Variants in PIK3R5 observed in about 807,000 individuals in gnomAD.
PIK3R5 encodes phosphoinositide-3-kinase regulatory subunit 5, also known as phosphoinositide 3-kinase regulatory subunit 5.
Under a neutral mutation model 94.9 loss-of-function variants are expected in PIK3R5, and 32 were observed. The ratio of observed to expected loss-of-function variants is 0.34; its 90% CI spans 0.25 to 0.45. The LOEUF (loss-of-function observed/expected upper bound fraction) is 0.45. Ranked by LOEUF, PIK3R5 falls within the 20% of genes least tolerant of loss-of-function variation. PIK3R5 has a pLI of 1.00. For missense variants in PIK3R5, 853 were observed against 1,144.6 expected, an observed-to-expected ratio of 0.75 and a Z score of 3.68; for synonymous variants, 443 against 479.4, an observed-to-expected ratio of 0.92 and a Z score of 0.99.
At chr17:8,901,779 A>G (rs2090289172) in intron 5 of PIK3R5, among the ~76,000 whole-genome samples, 1 of 152,214 alleles carries the variant, frequency 6.6e-6, no homozygotes, top group Non-Finnish European at 1.5e-5. Context: ...CTACAATATC[A>G]TTTTTAATAA....
At chr17:8,914,933 A>G (rs939291252) in intron 1 of PIK3R5, among the ~76,000 whole-genome samples, 1 of 152,216 alleles carries the variant, frequency 6.6e-6, no homozygotes, top group Non-Finnish European at 1.5e-5. Context: ...GGGCAGGTTA[A>G]AGATGGGAAA....
chr17:8,880,665 T>C lies in PIK3R5; in HGVS notation c.2617A>G (p.Met873Val). 6.2e-7 allele frequency: 1 copy of C among 1,612,270 alleles called. No homozygotes were observed. Among genetic ancestry groups the C allele is most frequent in the Non-Finnish European group, 8.5e-7 (1 of 1,179,200 alleles). The change falls in exon 19 of 19, where the codon ATG (methionine) becomes GTG (valine). Residue 873 changes from methionine to valine, a missense_variant. Met to Val is a conservative substitution (Grantham distance 21). Coordinates refer to ENST00000447110, the MANE Select transcript of PIK3R5 (RefSeq NM_001142633.3). ...DLCSLLCLPI[M>V]TFSGALP ...TAGGGCAGAGCTCCACTGAAAGTCATGATGGGCAGGCAGAGAAGGGAGCAG... is the reference window on the plus strand; with the variant it reads ...TAGGGCAGAGCTCCACTGAAAGTCACGATGGGCAGGCAGAGAAGGGAGCAG...
rs376161216 is a variant in PIK3R5 at position 8,890,004 on chromosome 17, C to G, written c.780G>C (p.Val260=). 67 of 1,613,798 alleles carry G rather than the reference C, an allele frequency of 4.2e-5. No individual in the cohort carries two copies. Among genetic ancestry groups the G allele is most frequent in the Non-Finnish European group, 5.6e-5 (66 of 1,179,980 alleles). The part of the protein sequence containing the change: ...RRWLRTKLQA[V]GEKAGFPGVL... ...CCCCAGGGAAGCCAGCTTTTTCTCCCACCGCCTGCAGCTTGGTCCTGAGCC... is the reference window on the plus strand; with the variant it reads ...CCCCAGGGAAGCCAGCTTTTTCTCCGACCGCCTGCAGCTTGGTCCTGAGCC... Residue 260 remains valine (V), a synonymous_variant, in exon 8 of 19, where the codon GTG becomes GTC. Transcript: ENST00000447110. The surrounding 1 kb of genome is among the most constrained non-coding windows in gnomAD (Gnocchi z 6.1).
At position 8,935,975 on chromosome 17, in the gene PIK3R5, A is replaced by G. The variant is rs1372432300; in HGVS notation, c.-13-24468T>C. Among the ~76,000 whole-genome samples, 1 of 150,838 alleles carries G rather than the reference A, an allele frequency of 6.6e-6. No individual in the cohort carries two copies. Among genetic ancestry groups the G allele is most frequent in the African/African-American group, 2.4e-5 (1 of 40,850 alleles). On this transcript the variant is annotated intron_variant, in intron 1 of 18. Coordinates refer to ENST00000447110, the MANE Select transcript of PIK3R5 (RefSeq NM_001142633.3). This position sits in a 1 kb window ranked among gnomAD's most constrained non-coding sequence, Gnocchi z 4.5. ...AGGCTGAGGCAGGAGAATGGCGTGA[A>G]CCCGGGAGGCGGAGATTGCAGTGAG...
chr17:8,884,810 A>G lies in PIK3R5; in HGVS notation c.2129-27T>C, dbSNP rs1346881495. The G allele has an allele frequency of 6.2e-7, 1 of 1,608,398 alleles. No homozygotes were observed. The highest frequency in any genetic ancestry group is 8.5e-7 in the Non-Finnish European group (1 of 1,176,968). The stretch of plus-strand genomic sequence containing the variant: ...TGTGCCACACACAGACAGACCCTTC[A>G]CTACCCCTGGCTTCCCCGGCTCCTC... On this transcript the variant is annotated intron_variant, in intron 14 of 18. Transcript: ENST00000447110. The surrounding 1 kb of genome is among the most constrained non-coding windows in gnomAD (Gnocchi z 5.8).
intron 1 of PIK3R5, among the ~76,000 whole-genome samples, chr17:8,939,389 A>G (rs1380535339): frequency 6.6e-6 from 1 of 152,196 alleles, no homozygotes; most frequent in Non-Finnish European, 1.5e-5. Context: ...AATAAAATAC[A>G]CAGAATTGCA....
intron 14 of PIK3R5, 137 bp downstream of exon 14, chr17:8,886,092 T>G: frequency 1.7e-6 from 1 of 596,048 alleles, no homozygotes; most frequent in Non-Finnish European, 2.9e-6. Flanking sequence ...GGTAACCCCG[T>G]CTCCCCAGGG....
intron 1 of PIK3R5, among the ~76,000 whole-genome samples, chr17:8,939,492 T>C (rs1425728762): frequency 1.3e-5 from 2 of 152,172 alleles, no homozygotes; most frequent in African/African-American, 2.4e-5. Flanking sequence ...CATTAACACA[T>C]GAAATAATAA....
intron 5 of PIK3R5, among the ~76,000 whole-genome samples, chr17:8,898,319 G>A (rs2090197749): frequency 6.6e-6 from 1 of 152,250 alleles, no homozygotes; most frequent in Non-Finnish European, 1.5e-5. Context: ...GGAAGTCAAA[G>A]GGTATGAAGC....
In PIK3R5 at chr17:8,911,337, G is replaced by A. The variant is rs375267464; in HGVS notation, c.103+55C>T. The A allele has an allele frequency of 1.5e-6, 2 of 1,361,668 alleles. No homozygotes were observed. The highest frequency in any genetic ancestry group is 4.6e-5 in the East Asian group (2 of 43,694). The allele number at this position is 1,361,668 out of a possible 1,614,324, so 84.3% of individuals were successfully genotyped here. A position where few individuals can be genotyped will look rare whatever the true frequency, so the allele number is the denominator to read the frequency against. ...CCATGCCTGGTCCAGTGCCCACCGT[G>A]GCCCCTGAGGCTTCCTTGAGCCCTC... On this transcript the variant is annotated intron_variant, in intron 2 of 18. Transcript: ENST00000447110. This position sits in a 1 kb window ranked among gnomAD's most constrained non-coding sequence, Gnocchi z 5.3.
In PIK3R5 at chr17:8,935,216, G is replaced by C. The variant is rs2091051711; in HGVS notation, c.-13-23709C>G. Among the ~76,000 whole-genome samples the C allele has an allele frequency of 6.6e-6, 1 of 152,072 alleles. No homozygotes were observed. The highest frequency in any genetic ancestry group is 1.5e-5 in the Non-Finnish European group (1 of 67,996). On this transcript the variant is annotated intron_variant, in intron 1 of 18. Transcript: ENST00000447110. The surrounding 1 kb of genome is among the most constrained non-coding windows in gnomAD (Gnocchi z 4.5). ...GCGGGCTTTCAACTCTGACGTCAAT[G>C]TCCCATCTAACATAATGGTTCTAAC...
chr17:8,959,516 AG>A (rs1299880234), intron 1 of PIK3R5, among the ~76,000 whole-genome samples: 1 of 152,174 alleles, frequency 6.6e-6, no homozygotes, highest in Non-Finnish European at 1.5e-5. Flanking sequence ...AGTTTTTCAA[AG>A]GGGCCAACTA....
At position 8,889,265 on chromosome 17, in the gene PIK3R5, C is replaced by G. The variant is rs376176204; in HGVS notation, c.812-43G>C. The G allele has an allele frequency of 6.6e-7, 1 of 1,505,618 alleles. No homozygotes were observed. The highest frequency in any genetic ancestry group is 2.3e-5 in the East Asian group (1 of 44,096). 93.3% of individuals were successfully genotyped at this position (1,505,618 alleles called of 1,614,324 possible). ...ATAGGAGAAGAGGGCTGGGAAGAGG[C>G]CTTGGAGATTGGCCAGTCCAGTCCC... On this transcript the variant is annotated intron_variant, in intron 8 of 18. Transcript: ENST00000447110. This position sits in a 1 kb window ranked among gnomAD's most constrained non-coding sequence, Gnocchi z 4.1.
At chr17:8,886,452 G>C in intron 13 of PIK3R5, 25 bp downstream of exon 13, 1 of 1,596,104 alleles carries the variant, frequency 6.3e-7, no homozygotes, top group Non-Finnish European at 8.5e-7. Flanking sequence ...TGGGGAAGAG[G>C]CGGTTCGGGG....
chr17:8,880,635 C>A lies in PIK3R5; in HGVS notation c.*4G>T. The A allele has an allele frequency of 6.2e-7, 1 of 1,602,192 alleles. No individual in the cohort carries two copies. The highest frequency in any genetic ancestry group is 1.1e-5 in the South Asian group (1 of 88,872). On this transcript the variant is annotated 3_prime_UTR_variant, in exon 19 of 19. Coordinates refer to ENST00000447110, the MANE Select transcript of PIK3R5 (RefSeq NM_001142633.3). ...CTTCTGTCCAGTCTGGCGCTGGGCC[C>A]ACACTAGGGCAGAGCTCCACTGAAA...
chr17:8,899,918 G>A (rs1284699152), intron 5 of PIK3R5, among the ~76,000 whole-genome samples: 1 of 152,002 alleles, frequency 6.6e-6, no homozygotes. Context: ...CACGCCTGTA[G>A]TCCCAGCTAC....
rs7208804 is a variant in PIK3R5 at position 8,912,751 on chromosome 17, C to T, written c.-13-1244G>A. On this transcript the variant is annotated intron_variant, in intron 1 of 18. Coordinates refer to ENST00000447110, the MANE Select transcript of PIK3R5 (RefSeq NM_001142633.3). ...GAGGGATAAAATCCTAACCTGGGTT[C>T]AGCTGCGCGGCTAGAGTATTCAGCT... Among the ~76,000 whole-genome samples, 1,236 of 152,244 alleles carry T rather than the reference C, an allele frequency of 8.1e-3. 16 individuals carry two copies. Among genetic ancestry groups the T allele is most frequent in the African/African-American group, 0.028 (1,175 of 41,530 alleles).
intron 5 of PIK3R5, among the ~76,000 whole-genome samples, chr17:8,901,187 T>A (rs2090275253): frequency 6.6e-6 from 1 of 152,160 alleles, no homozygotes; most frequent in African/African-American, 2.4e-5. Flanking sequence ...CTTTAGGGTT[T>A]GTTCCTTTAA....
rs143339468 is a variant in PIK3R5, at chr17:8,890,730, G to A, written c.657+8C>T. 1.9e-6 allele frequency: 3 copies of A among 1,602,464 alleles called. No individual in the cohort carries two copies. The highest frequency in any genetic ancestry group is 1.7e-5 in the Admixed American group (1 of 57,910). On this transcript the variant is annotated splice_region_variant and intron_variant, in intron 7 of 18. Coordinates refer to ENST00000447110, the MANE Select transcript of PIK3R5 (RefSeq NM_001142633.3). The surrounding 1 kb of genome is among the most constrained non-coding windows in gnomAD (Gnocchi z 6.1). ...GCTCCACCAGAGCCCCAGGCCCCAG[G>A]TACATACCTGTAGCCTGCAGTGCAG... is the stretch of plus-strand genomic sequence containing the variant.
Sources: allele counts gnomAD v4.1 joint callset (sites outside exome capture counted in the v4.1 genomes callset), GRCh38; gene constraint gnomAD v4.1.1; non-coding constraint Gnocchi (gnomAD v3.1); transcripts MANE v1.5; gene names NCBI Gene and HGNC (gene_info 2026-07-23, HGNC 2026-07-21).